RICTOR: variants seen among roughly 807,000 people sequenced by gnomAD.
The protein encoded by RICTOR is rapamycin-insensitive companion of mTOR.
RICTOR carries 49 observed loss-of-function variants against 214.9 expected under a neutral mutation model. The ratio of observed to expected loss-of-function variants is 0.23; its 90% CI spans 0.18 to 0.29. The LOEUF is 0.29. RICTOR is among the 10% of genes least tolerant of loss of function. The pLI is 1.00. For synonymous variants in RICTOR, 717 were observed against 711.3 expected (o/e 1.01, Z -0.13); for missense variants, 1,625 against 2,047.0 (o/e 0.79, Z 3.98).
In RICTOR at chr5:38,981,793, A is replaced by G. The variant is rs150641342; in HGVS notation, c.753+74T>C. On this transcript the variant is annotated intron_variant, in intron 8 of 37. Coordinates refer to ENST00000357387, the MANE Select transcript of RICTOR (RefSeq NM_152756.5). ...ATTAATGTGGTGCTGCATCTATAAA[A>G]TTTAGTATTTCAAAGTAAAAGTATA... The G allele has an allele frequency of 1.2e-4, 125 of 1,029,676 alleles. 2 individuals carry two copies. The Middle Eastern group carries it at 1.6e-3, about 13-fold the overall frequency. 63.8% of individuals were successfully genotyped at this position (1,029,676 alleles called of 1,614,324 possible).
Position 38,950,025 on chromosome 5 carries a change from T to G in RICTOR, c.3823A>C (p.Asn1275His). ...KTSHYLTPQS[N>H]HLSLSKSNSV... ...TTTGATTTGGAGAGAGACAGATGGT[T>G]AGACTGTGGCGTCAAATAGTGGCTT... Residue 1275 changes from asparagine (N) to histidine (H), a missense_variant, in exon 31 of 38, where the codon AAC becomes CAC. By Grantham distance (68) the Asn-to-His change is moderately conservative (BLOSUM62 1). This residue lies in a region of RICTOR where 1,214 missense variants were observed against 1,470.5 expected (regional missense o/e 0.83). Transcript: ENST00000357387. The G allele has an allele frequency of 6.2e-7, 1 of 1,613,500 alleles. No individual in the cohort carries two copies. The highest frequency in any genetic ancestry group is 1.7e-5 in the Admixed American group (1 of 59,948).
intron 2 of RICTOR, among the ~76,000 whole-genome samples, chr5:39,069,591 GAAAT>G (rs762637873): frequency 6.6e-6 from 1 of 152,154 alleles, no homozygotes; most frequent in Non-Finnish European, 1.5e-5. Context: ...TTTTAATAAA[GAAAT>G]AAAATTCACT....
At position 38,943,553 on chromosome 5, in the gene RICTOR, C is replaced by A. The variant is rs141801170; in HGVS notation, c.4914-582G>T. 5.7e-3 allele frequency among the ~76,000 whole-genome samples: 874 copies of A among 152,244 alleles called. 2 individuals carry two copies. The highest frequency in any genetic ancestry group is 8.6e-3 in the Non-Finnish European group (583 of 68,010). On this transcript the variant is annotated intron_variant, in intron 36 of 37. Coordinates refer to ENST00000357387, the MANE Select transcript of RICTOR (RefSeq NM_152756.5). ...AGCTGGCTGGGCACGGTGGCTCATG[C>A]CTGTAATCCCAGCACTTTGGGAGGC...
chr5:38,980,183 G>A (rs1488570010), intron 8 of RICTOR, among the ~76,000 whole-genome samples: 6 of 151,950 alleles, frequency 3.9e-5, no homozygotes, highest in Non-Finnish European at 8.8e-5. Context: ...AATCGGGGTT[G>A]TTTTAATGTC....
At chr5:39,040,284 AG>A (rs1302699025) in intron 2 of RICTOR, among the ~76,000 whole-genome samples, 1 of 127,106 alleles carries the variant, frequency 7.9e-6, no homozygotes, top group Non-Finnish European at 1.6e-5. Flanking sequence ...ACATGGACAC[AG>A]GAAGGGGAAC....
chr5:38,985,771 C>T (rs939297370), intron 7 of RICTOR, among the ~76,000 whole-genome samples: 5 of 152,050 alleles, frequency 3.3e-5, no homozygotes, highest in African/African-American at 1.2e-4. Context: ...TCTCGGCTCA[C>T]TGCAACCTCC....
Position 38,949,777 on chromosome 5 carries a change from A to G in RICTOR, c.4071T>C (p.Asp1357=), listed in dbSNP as rs138795835. The change falls in exon 31 of 38, where the codon GAT becomes GAC. Residue 1357 remains aspartate (D), a synonymous_variant. Transcript: ENST00000357387. The stretch of plus-strand genomic sequence containing the variant: ...TGGTGATGGTATCAGTAAATAGCAC[A>G]TCTTTTGCTGGAGATGCCAAAGCTT... ...HSEALASPAK[D]VLFTDTITMK... The G allele has an allele frequency of 8.7e-6, 14 of 1,613,448 alleles. No individual in the cohort carries two copies. The highest frequency in any genetic ancestry group is 1.1e-5 in the South Asian group (1 of 91,062).
At chr5:38,994,913 G>C (rs879341249) in intron 6 of RICTOR, among the ~76,000 whole-genome samples, 8 of 152,106 alleles carry the variant, frequency 5.3e-5, no homozygotes, top group Non-Finnish European at 1.5e-5. Context: ...GGGTCCTTAA[G>C]ATATTTTCAG....
chr5:38,941,498 G>C lies in RICTOR; in HGVS notation c.*806C>G. Reference sequence around the variant, plus strand: ...TAAAGCGATGAGATGGAAAGTTGATGAAAGTGGAAGTCCATTGCAAATATA... The same window carrying C: ...TAAAGCGATGAGATGGAAAGTTGATCAAAGTGGAAGTCCATTGCAAATATA... On this transcript the variant is annotated 3_prime_UTR_variant, in exon 38 of 38. Transcript: ENST00000357387. 1 of 231,548 alleles carries C rather than the reference G, an allele frequency of 4.3e-6. No homozygotes were observed. The highest frequency in any genetic ancestry group is 8.6e-6 in the Non-Finnish European group (1 of 116,754). The allele number at this position is 231,548 out of a possible 1,614,324, so 14.3% of individuals were successfully genotyped here. A position where few individuals can be genotyped will look rare whatever the true frequency, so the allele number is the denominator to read the frequency against.
At chr5:38,987,503 G>T (rs1752263674) in intron 7 of RICTOR, among the ~76,000 whole-genome samples, 1 of 152,122 alleles carries the variant, frequency 6.6e-6, no homozygotes, top group Non-Finnish European at 1.5e-5. Context: ...TTGCGTAGAG[G>T]TGTTTATAGT....
chr5:39,020,816 C>CT (rs1393180073), intron 3 of RICTOR, among the ~76,000 whole-genome samples: 1 of 152,128 alleles, frequency 6.6e-6, no homozygotes, highest in East Asian at 1.9e-4. Context: ...TGATTTTATT[C>CT]TTTTCTGAAC....
intron 7 of RICTOR, among the ~76,000 whole-genome samples, chr5:38,982,368 A>T (rs2150062644): frequency 6.6e-6 from 1 of 152,262 alleles, no homozygotes; most frequent in South Asian, 2.1e-4. Context: ...TTTGTGATTT[A>T]ACTTCAGATT....
Position 38,938,909 on chromosome 5 carries a change from T to A in RICTOR, c.*3395A>T. 1 of 233,060 alleles carries A rather than the reference T, an allele frequency of 4.3e-6. No individual in the cohort carries two copies. 14.4% of individuals were successfully genotyped at this position (233,060 alleles called of 1,614,324 possible). ...GCTCCTCTAACAAAAGTCTCTCAATTTTACCTTTTCTTTTTTCCCCATGTT... is the reference window on the plus strand; with the variant it reads ...GCTCCTCTAACAAAAGTCTCTCAATATTACCTTTTCTTTTTTCCCCATGTT... On this transcript the variant is annotated 3_prime_UTR_variant, in exon 38 of 38. Coordinates refer to ENST00000357387, the MANE Select transcript of RICTOR (RefSeq NM_152756.5).
chr5:38,938,713 T>C lies in RICTOR; in HGVS notation c.*3591A>G, dbSNP rs1293457288. The C allele has an allele frequency of 8.6e-6, 2 of 232,666 alleles. No homozygotes were observed. Among genetic ancestry groups the C allele is most frequent in the Non-Finnish European group, 1.7e-5 (2 of 117,684 alleles). 14.4% of individuals were successfully genotyped at this position (232,666 alleles called of 1,614,324 possible). On this transcript the variant is annotated 3_prime_UTR_variant, in exon 38 of 38. Transcript: ENST00000357387. ...AGAAAGATTCTCACAGATTTCAGTG[T>C]TCTTTGATAAGCACTGCTATTAATT...
At chr5:38,990,926 C>T in intron 7 of RICTOR, 23 bp downstream of exon 7, 1 of 1,532,566 alleles carries the variant, frequency 6.5e-7, no homozygotes, top group Non-Finnish European at 8.9e-7. Context: ...ATTACATTTT[C>T]ATTACTTGAA....
At chr5:39,074,194 G>C (rs2303808) in intron 1 of RICTOR, 36 bp from the exon 2 acceptor site, 696,997 of 1,587,514 alleles carry the variant, frequency 0.44, 154,021 homozygotes, top group East Asian at 0.51. Flanking sequence ...AATTAGGATT[G>C]GCTCGCAGGC....
intron 7 of RICTOR, among the ~76,000 whole-genome samples, chr5:38,990,692 T>TCATATATATGATATATCA (rs1372635285): frequency 8.7e-5 from 3 of 34,572 alleles, no homozygotes; most frequent in Admixed American, 7.2e-4. Flanking sequence ...ATCATATATA[T>TCATATATATGATATATCA]GATATATATC....
At chr5:38,998,360 T>C (rs768278722) in intron 5 of RICTOR, among the ~76,000 whole-genome samples, 6 of 152,252 alleles carry the variant, frequency 3.9e-5, no homozygotes, top group East Asian at 3.9e-4. Flanking sequence ...TAATTTTTGT[T>C]TTCTTAATAG....
intron 2 of RICTOR, among the ~76,000 whole-genome samples, chr5:39,035,868 T>C (rs1354893104): frequency 1.3e-5 from 2 of 152,116 alleles, no homozygotes; most frequent in Non-Finnish European, 2.9e-5. Context: ...ACGGGGAGAA[T>C]GGAACCAAGT....
Sources: gnomAD v4.1 joint callset for allele counts (sites outside exome capture counted in the v4.1 genomes callset) on GRCh38, gnomAD v4.1.1 for gene constraint, gnomAD v4.1.1 regional missense constraint, MANE v1.5 for transcripts, NCBI Gene and HGNC (gene_info 2026-07-23, HGNC 2026-07-21) for gene names.